DNAJB6: variants seen among roughly 807,000 people sequenced by gnomAD.
DNAJB6 encodes DnaJ heat shock protein family (Hsp40) member B6, also known as dnaJ homolog subfamily B member 6.
A neutral mutation model predicts 42.7 loss-of-function variants in DNAJB6; 16 were observed. The ratio of observed to expected loss-of-function variants is 0.37; its 90% CI spans 0.25 to 0.57. The LOEUF is 0.57. DNAJB6 is among the 20% of genes least tolerant of loss of function. The pLI is 0.74. For missense variants in DNAJB6, 347 were observed against 416.8 expected (o/e 0.83, Z 1.46); for synonymous variants, 170 against 163.5 (o/e 1.04, Z -0.30).
chr7:157,371,269 G>A (rs560191946), intron 5 of DNAJB6, among the ~76,000 whole-genome samples: 1 of 152,368 alleles, frequency 6.6e-6, no homozygotes, highest in East Asian at 1.9e-4. Flanking sequence ...TAGACCTGGT[G>A]TACTTTCCAC....
intron 8 of DNAJB6, among the ~76,000 whole-genome samples, chr7:157,393,686 A>G (rs1460911422): frequency 6.6e-6 from 1 of 152,184 alleles, no homozygotes; most frequent in African/African-American, 2.4e-5. Flanking sequence ...ATCATTAAAA[A>G]TGTTTTTAAA....
intron 8 of DNAJB6, among the ~76,000 whole-genome samples, chr7:157,408,722 A>T (rs187343360): frequency 6.6e-6 from 1 of 152,332 alleles, no homozygotes; most frequent in Non-Finnish European, 1.5e-5. Context: ...AGGCCAGTTT[A>T]ATTGGAGAAG....
chr7:157,345,240 C>T (rs1035429987), intron 1 of DNAJB6, among the ~76,000 whole-genome samples: 14 of 151,936 alleles, frequency 9.2e-5, no homozygotes, highest in South Asian at 2.1e-4. Context: ...GTGATCCACC[C>T]GCCTCAGCCT....
At chr7:157,381,490 AAAC>A (rs1563136401) in intron 5 of DNAJB6, 3 of 152,212 alleles carry the variant, frequency 2.0e-5, no homozygotes, top group Non-Finnish European at 4.4e-5. Flanking sequence ...GAGGAAAACA[AAAC>A]GGTCAGTTCC....
At chr7:157,384,181 G>T (rs1373445076) in intron 6 of DNAJB6, among the ~76,000 whole-genome samples, 3 of 152,206 alleles carry the variant, frequency 2.0e-5, no homozygotes, top group Admixed American at 1.3e-4. Flanking sequence ...AAAGTTTTTA[G>T]TGTCCACACT....
rs1799694780 is a variant in DNAJB6 at position 157,363,285 on chromosome 7, G to A, written c.175+15G>A. 6.4e-7 allele frequency: 1 copy of A among 1,568,190 alleles called. No homozygotes were observed. On this transcript the variant is annotated intron_variant, in intron 3 of 9. Coordinates refer to ENST00000262177, the MANE Select transcript of DNAJB6 (RefSeq NM_058246.4). ...GCTGTCGGATGGTGAGTGACAGCGA[G>A]CTGCTGAAGGACCCTGAGCGGGCAT... is the stretch of plus-strand genomic sequence containing the variant.
At chr7:157,371,189 A>T (rs1288214615) in intron 5 of DNAJB6, among the ~76,000 whole-genome samples, 1 of 152,218 alleles carries the variant, frequency 6.6e-6, no homozygotes, top group East Asian at 1.9e-4. Flanking sequence ...TGTGTGGAAG[A>T]ATTGTCTTCC....
At chr7:157,366,734 T>C (rs1799865571) in intron 4 of DNAJB6, among the ~76,000 whole-genome samples, 173 bp downstream of exon 4, 1 of 152,210 alleles carries the variant, frequency 6.6e-6, no homozygotes, top group Non-Finnish European at 1.5e-5. Context: ...TAAAAGTCTT[T>C]TACGAGACTA....
intron 3 of DNAJB6, among the ~76,000 whole-genome samples, chr7:157,364,901 AGT>A (rs1349408027): frequency 6.6e-6 from 1 of 152,126 alleles, no homozygotes; most frequent in Non-Finnish European, 1.5e-5. Context: ...ACTGCTTGCA[AGT>A]GGTTTGTTTC....
intron 8 of DNAJB6, among the ~76,000 whole-genome samples, chr7:157,387,102 G>T (rs1212693995): frequency 6.6e-6 from 1 of 152,204 alleles, no homozygotes; most frequent in Non-Finnish European, 1.5e-5. Flanking sequence ...ATCCGTGCTG[G>T]CTTTGCAGGA....
At chr7:157,352,490 A>G (rs1424536048) in intron 1 of DNAJB6, among the ~76,000 whole-genome samples, 1 of 151,778 alleles carries the variant, frequency 6.6e-6, no homozygotes, top group Admixed American at 6.6e-5. Flanking sequence ...AGGTGGTATG[A>G]AGATGGGGGT....
Position 157,360,376 on chromosome 7 carries a change from T to C in DNAJB6, c.65+1739T>C, listed in dbSNP as rs1799519195. 2.6e-5 allele frequency among the ~76,000 whole-genome samples: 4 copies of C among 152,166 alleles called. No individual in the cohort carries two copies. The South Asian group carries it at 8.3e-4, about 31-fold the overall frequency. Reference sequence around the variant, plus strand: ...CCCCCTGGGTCCCTCGCATAACACCTGGGAGTTCTGGGAGTTACAACTCAA... The same window carrying C: ...CCCCCTGGGTCCCTCGCATAACACCCGGGAGTTCTGGGAGTTACAACTCAA... On this transcript the variant is annotated intron_variant, in intron 2 of 9. Coordinates refer to ENST00000262177, the MANE Select transcript of DNAJB6 (RefSeq NM_058246.4).
In DNAJB6 at chr7:157,382,270, G is replaced by A. The variant is rs778861039; in HGVS notation, c.371G>A (p.Gly124Glu). 6.2e-6 allele frequency: 10 copies of A among 1,606,442 alleles called. No individual in the cohort carries two copies. The South Asian group carries it at 1.1e-4, about 18-fold the overall frequency. Residue 124 changes from glycine to glutamate, a missense_variant, in exon 6 of 10, where the codon GGG becomes GAG. Physicochemically the swap from Gly to Glu is moderately conservative, Grantham distance 98. Coordinates refer to ENST00000262177, the MANE Select transcript of DNAJB6 (RefSeq NM_058246.4). ...FFEDPFEDFFGNRRGPRGSRS... is the reference protein window; with the variant it reads ...FFEDPFEDFFENRRGPRGSRS... Reference sequence around the variant, plus strand: ...GAAGACCCTTTTGAGGACTTCTTTGGGAATCGAAGGGGTCCCCGAGGAAGC... The same window carrying A: ...GAAGACCCTTTTGAGGACTTCTTTGAGAATCGAAGGGGTCCCCGAGGAAGC...
intron 1 of DNAJB6, among the ~76,000 whole-genome samples, chr7:157,353,223 C>T (rs541893585): frequency 4.6e-5 from 7 of 150,720 alleles, no homozygotes; most frequent in East Asian, 4.0e-4. Flanking sequence ...CTGCCGCACC[C>T]GGTCCAGTTT....
intron 9 of DNAJB6, chr7:157,412,720 T>C (rs1276339280): frequency 1.3e-5 from 2 of 152,234 alleles, no homozygotes; most frequent in East Asian, 1.9e-4. Flanking sequence ...CCCGACAGTA[T>C]TGATGGCCCC....
chr7:157,374,720 C>T (rs778114442), intron 5 of DNAJB6, among the ~76,000 whole-genome samples: 6 of 152,126 alleles, frequency 3.9e-5, no homozygotes, highest in African/African-American at 1.2e-4. Context: ...TTCCTGGAAA[C>T]GGTCATTTTG....
chr7:157,341,517 T>G (rs953555073), intron 1 of DNAJB6, among the ~76,000 whole-genome samples: 1 of 152,224 alleles, frequency 6.6e-6, no homozygotes, highest in African/African-American at 2.4e-5. Flanking sequence ...CCTTTGATAT[T>G]TTTCTACTTA....
intron 1 of DNAJB6, among the ~76,000 whole-genome samples, chr7:157,352,843 A>C (rs1799065264): frequency 6.6e-6 from 1 of 152,114 alleles, no homozygotes; most frequent in Admixed American, 6.6e-5. Flanking sequence ...GTAGTTTTCC[A>C]AGGAACCACG....
chr7:157,338,491 G>T (rs1008078747), intron 1 of DNAJB6, among the ~76,000 whole-genome samples: 1 of 152,132 alleles, frequency 6.6e-6, no homozygotes, highest in Non-Finnish European at 1.5e-5. Flanking sequence ...TCGCCACCAT[G>T]TCCGACTAAT....
Sources: gnomAD v4.1 joint callset for allele counts (sites outside exome capture counted in the v4.1 genomes callset) on GRCh38, gnomAD v4.1.1 for gene constraint, MANE v1.5 for transcripts, NCBI Gene and HGNC (gene_info 2026-07-23, HGNC 2026-07-21) for gene names.